The following PRKN variants were observed in gnomAD, a reference collection of about 807,000 sequenced individuals.
The protein encoded by PRKN is E3 ubiquitin-protein ligase parkin.
A neutral mutation model predicts 59.5 loss-of-function variants in PRKN; 56 were observed. That is an observed-to-expected ratio of 0.94 (90% CI 0.76 to 1.18). The LOEUF (loss-of-function observed/expected upper bound fraction) is 1.18. PRKN is among the 50% of genes most tolerant of loss of function. PRKN has a pLI of 0.00. For synonymous variants in PRKN, 250 were observed against 222.1 expected (o/e 1.13, Z -1.12); for missense variants, 657 against 596.4 (o/e 1.10, Z -1.06).
intron 7 of PRKN, among the ~76,000 whole-genome samples, chr6:161,594,687 A>G (rs769318036): frequency 6.6e-6 from 1 of 151,882 alleles, no homozygotes; most frequent in East Asian, 1.9e-4. Context: ...TAAAATATAT[A>G]AATATTTTTA....
At chr6:162,427,739 G>A (rs879307495) in intron 2 of PRKN, among the ~76,000 whole-genome samples, 13 of 151,350 alleles carry the variant, frequency 8.6e-5, no homozygotes, top group Non-Finnish European at 1.5e-4. Context: ...TCCACTTCGC[G>A]GGTTCACACC....
At chr6:162,057,425 C>T (rs951744153) in intron 4 of PRKN, among the ~76,000 whole-genome samples, 7 of 151,998 alleles carry the variant, frequency 4.6e-5, no homozygotes, top group Non-Finnish European at 1.0e-4. Flanking sequence ...CCCTGACCTG[C>T]CAAGCTGTTT....
intron 6 of PRKN, among the ~76,000 whole-genome samples, chr6:161,854,219 C>A (rs1178163413): frequency 6.6e-6 from 1 of 151,916 alleles, no homozygotes. Context: ...CACGCTGTTG[C>A]ATTCTAGCCT....
intron 1 of PRKN, among the ~76,000 whole-genome samples, chr6:162,509,292 T>C (rs1173214598): frequency 3.3e-5 from 5 of 152,190 alleles, no homozygotes; most frequent in Non-Finnish European, 5.9e-5. Context: ...AGGGACCCTT[T>C]TGTTTGGTTT....
chr6:161,458,713 T>C lies in PRKN; in HGVS notation c.1084-71836A>G, dbSNP rs908190119. On this transcript the variant is annotated intron_variant, in intron 9 of 11. Coordinates refer to ENST00000366898, the MANE Select transcript of PRKN (RefSeq NM_004562.3). This position sits in a 1 kb window ranked among gnomAD's most constrained non-coding sequence, Gnocchi z 6.1. The stretch of plus-strand genomic sequence containing the variant: ...ATGGGCACTAAATTTATTAGCTTCG[T>C]GCTCACCATGACAGTAACTCCATGT... 6.6e-6 allele frequency among the ~76,000 whole-genome samples: 1 copy of C among 152,232 alleles called. No homozygotes were observed. Among genetic ancestry groups the C allele is most frequent in the Non-Finnish European group, 1.5e-5 (1 of 68,034 alleles).
chr6:161,673,270 G>C (rs113836625), intron 7 of PRKN, among the ~76,000 whole-genome samples: 2 of 152,198 alleles, frequency 1.3e-5, no homozygotes, highest in East Asian at 1.9e-4. Context: ...ATAAGTGTGC[G>C]GGGTGGGGGC....
rs985952682 is a variant in PRKN at position 161,354,769 on chromosome 6, A to T, written c.1286-4558T>A. Among the ~76,000 whole-genome samples, 6 of 152,202 alleles carry T rather than the reference A, an allele frequency of 3.9e-5. No individual in the cohort carries two copies. Among genetic ancestry groups the T allele is most frequent in the Admixed American group, 3.3e-4 (5 of 15,284 alleles). ...CGGTTACAGTGATGCACTTTTAAAC[A>T]GTTTAGGCCATCGCTAATAAGCTTC... is the stretch of plus-strand genomic sequence containing the variant. On this transcript the variant is annotated intron_variant, in intron 11 of 11. Coordinates refer to ENST00000366898, the MANE Select transcript of PRKN (RefSeq NM_004562.3). This position sits in a 1 kb window ranked among gnomAD's most constrained non-coding sequence, Gnocchi z 6.7.
intron 2 of PRKN, among the ~76,000 whole-genome samples, chr6:162,350,658 A>G (rs1425016060): frequency 6.6e-6 from 1 of 152,190 alleles, no homozygotes; most frequent in African/African-American, 2.4e-5. Flanking sequence ...TTTACATCAT[A>G]TACAAAATTA....
At chr6:162,579,624 T>A (rs929032831) in intron 1 of PRKN, among the ~76,000 whole-genome samples, 6 of 143,314 alleles carry the variant, frequency 4.2e-5, no homozygotes, top group African/African-American at 1.7e-4. Flanking sequence ...GATACACACA[T>A]ACACACAAAT....
At chr6:162,664,538 T>C (rs902603016) in intron 1 of PRKN, among the ~76,000 whole-genome samples, 11 of 152,154 alleles carry the variant, frequency 7.2e-5, no homozygotes, top group African/African-American at 1.9e-4. Flanking sequence ...TATTTCTCCA[T>C]GGCCTGGCCA....
intron 2 of PRKN, among the ~76,000 whole-genome samples, chr6:162,298,309 G>A (rs1781774795): frequency 6.6e-6 from 1 of 152,018 alleles, no homozygotes; most frequent in Non-Finnish European, 1.5e-5. Context: ...CTTCTGCTAG[G>A]GCTCCAATTC....
intron 5 of PRKN, among the ~76,000 whole-genome samples, chr6:162,041,533 T>G: frequency 6.6e-6 from 1 of 152,226 alleles, no homozygotes; most frequent in East Asian, 1.9e-4. Context: ...AGATTGGTTC[T>G]CACCATTTCA....
intron 4 of PRKN, among the ~76,000 whole-genome samples, chr6:162,157,468 T>A (rs1389258378): frequency 1.3e-5 from 2 of 151,918 alleles, no homozygotes; most frequent in African/African-American, 4.8e-5. Context: ...AATATAAATT[T>A]GCCAAAAAGC....
chr6:161,929,517 CTTTTTTTTTTTTT>C lies in PRKN; in HGVS notation c.734+43772_734+43784del, dbSNP rs759945931. 4.2e-5 allele frequency among the ~76,000 whole-genome samples: 3 copies of C among 72,272 alleles called. No homozygotes were observed. The East Asian group carries it at 1.2e-3, about 28-fold the overall frequency. 47.4% of individuals were successfully genotyped at this position (72,272 alleles called of 152,430 possible). On this transcript the variant is annotated intron_variant, in intron 6 of 11. Transcript: ENST00000366898. The stretch of plus-strand genomic sequence containing the variant: ...GTTTAGTTTTATGTGAATTTCACCT[CTTTTTTTTTTTTT>C]TTTTTTTTTTTGAGACGGAGTCTTA...
intron 1 of PRKN, among the ~76,000 whole-genome samples, chr6:162,486,795 C>A (rs577055818): frequency 6.6e-6 from 1 of 152,072 alleles, no homozygotes; most frequent in Non-Finnish European, 1.5e-5. Flanking sequence ...TTTGGCCAGG[C>A]GTGGTGGCTC....
At chr6:162,364,019 C>T (rs1304978386) in intron 2 of PRKN, among the ~76,000 whole-genome samples, 3 of 152,348 alleles carry the variant, frequency 2.0e-5, no homozygotes, top group South Asian at 4.1e-4. Flanking sequence ...TCCCTGCACA[C>T]AAGCTGCTGC....
At chr6:161,977,339 C>G (rs1301336120) in intron 5 of PRKN, among the ~76,000 whole-genome samples, 1 of 152,072 alleles carries the variant, frequency 6.6e-6, no homozygotes, top group African/African-American at 2.4e-5. Context: ...AGTAGATAGG[C>G]TAAGTCAGAT....
In PRKN at chr6:161,678,216, C is replaced by CTTTTTTTTTTTTTTTTTT. The variant is rs3066554; in HGVS notation, c.871+107538_871+107555dup. On this transcript the variant is annotated intron_variant, in intron 7 of 11. Transcript: ENST00000366898. ...TTATGGTAATAACAATACTGAATCACTTTTTTTTTTTTTTTTTTTTTTTTT... is the reference window on the plus strand; with the variant it reads ...TTATGGTAATAACAATACTGAATCACTTTTTTTTTTTTTTTTTTTTTTTTTTTTTTTTTTTTTTTTTTT... Among the ~76,000 whole-genome samples the CTTTTTTTTTTTTTTTTTT allele has an allele frequency of 6.2e-5, 4 of 64,948 alleles. 1 individual carries two copies. The highest frequency in any genetic ancestry group is 2.4e-4 in the African/African-American group (3 of 12,690). The allele number at this position is 64,948 out of a possible 152,430, so 42.6% of individuals were successfully genotyped here. A position where few individuals can be genotyped will look rare whatever the true frequency, so the allele number is the denominator to read the frequency against.
At chr6:162,021,879 T>C (rs972436311) in intron 5 of PRKN, among the ~76,000 whole-genome samples, 2 of 152,148 alleles carry the variant, frequency 1.3e-5, no homozygotes, top group African/African-American at 4.8e-5. Context: ...CCAGTGTCTA[T>C]TGTACCCGTC....
Sources: allele counts gnomAD v4.1 joint callset (sites outside exome capture counted in the v4.1 genomes callset), GRCh38; gene constraint gnomAD v4.1.1; non-coding constraint Gnocchi (gnomAD v3.1); transcripts MANE v1.5; gene names NCBI Gene and HGNC (gene_info 2026-07-23, HGNC 2026-07-21).